Variants in DNAJB6 observed in about 807,000 individuals in gnomAD.
DNAJB6 encodes the protein dnaJ homolog subfamily B member 6.
In DNAJB6, 16 loss-of-function variants were observed where a neutral mutation model predicts 42.7. The ratio of observed to expected loss-of-function variants is 0.37; its 90% CI spans 0.25 to 0.57. DNAJB6 has a LOEUF of 0.57. Ranked by LOEUF, DNAJB6 falls within the 20% of genes least tolerant of loss-of-function variation. The pLI is 0.74. For missense variants in DNAJB6, 347 were observed against 416.8 expected, an observed-to-expected ratio of 0.83 and a Z score of 1.46; for synonymous variants, 170 against 163.5, an observed-to-expected ratio of 1.04 and a Z score of -0.30.
intron 1 of DNAJB6, among the ~76,000 whole-genome samples, chr7:157,339,279 AC>A (rs1798214871): frequency 5.4e-5 from 4 of 73,582 alleles, no homozygotes; most frequent in African/African-American, 1.4e-4. Flanking sequence ...GTCTGTTTGC[AC>A]CTTTTTTTTT....
In DNAJB6 at chr7:157,371,610, TCAAA is replaced by T. The variant is rs539884502; in HGVS notation, c.346+4128_346+4131del. Among the ~76,000 whole-genome samples the T allele has an allele frequency of 4.6e-5, 7 of 152,364 alleles. No individual in the cohort carries two copies. In the East Asian group the frequency reaches 1.3e-3, roughly 29 times the overall value. On this transcript the variant is annotated intron_variant, in intron 5 of 9. Coordinates refer to ENST00000262177, the MANE Select transcript of DNAJB6 (RefSeq NM_058246.4). ...CTGCCTCTGAATTGGAGGGGTACAA[TCAAA>T]ACTGCTGAGGCTAGGTGACTGTCGA...
chr7:157,376,935 G>T (rs536082019), intron 5 of DNAJB6, among the ~76,000 whole-genome samples: 1 of 152,180 alleles, frequency 6.6e-6, no homozygotes, highest in Non-Finnish European at 1.5e-5. Flanking sequence ...AGGCAGGACA[G>T]CTCAAAGCAG....
intron 1 of DNAJB6, among the ~76,000 whole-genome samples, chr7:157,358,274 A>G: frequency 6.6e-6 from 1 of 152,188 alleles, no homozygotes; most frequent in South Asian, 2.1e-4. Context: ...GTCTCTGCCT[A>G]GAGTCACCTG....
At chr7:157,345,343 G>A (rs1372538882) in intron 1 of DNAJB6, among the ~76,000 whole-genome samples, 2 of 151,948 alleles carry the variant, frequency 1.3e-5, no homozygotes, top group Admixed American at 6.6e-5. Flanking sequence ...ACAGGGCCTT[G>A]CCCTGTCTCT....
intron 8 of DNAJB6, among the ~76,000 whole-genome samples, chr7:157,404,538 T>C (rs112614219): frequency 0.028 from 3,762 of 133,132 alleles, 175 homozygotes; most frequent in African/African-American, 0.095. Flanking sequence ...TGGTAAGGAG[T>C]CTCGCTCTGT....
chr7:157,386,337 CTG>C, intron 8 of DNAJB6: 1 of 983,414 alleles, frequency 1.0e-6, no homozygotes, highest in Non-Finnish European at 1.2e-6. Context: ...TTTTTTGTGT[CTG>C]TGTATGATTT....
chr7:157,339,177 C>T (rs1378699650), intron 1 of DNAJB6, among the ~76,000 whole-genome samples: 1 of 148,870 alleles, frequency 6.7e-6, no homozygotes, highest in Non-Finnish European at 1.5e-5. Flanking sequence ...TAATTCCCTT[C>T]TATTAACTCT....
intron 8 of DNAJB6, among the ~76,000 whole-genome samples, chr7:157,404,344 G>A (rs1795665438): frequency 6.6e-6 from 1 of 151,512 alleles, no homozygotes; most frequent in Non-Finnish European, 1.5e-5. Flanking sequence ...AGGCTGGAGT[G>A]CAGTGGTGCG....
intron 1 of DNAJB6, among the ~76,000 whole-genome samples, chr7:157,346,821 G>T (rs537824486): frequency 2.6e-5 from 4 of 152,320 alleles, no homozygotes; most frequent in South Asian, 2.1e-4. Flanking sequence ...TTGGAGACAC[G>T]TGGATTTCTC....
intron 3 of DNAJB6, among the ~76,000 whole-genome samples, chr7:157,364,105 T>A (rs1160820702): frequency 6.7e-6 from 1 of 149,042 alleles, no homozygotes; most frequent in East Asian, 1.9e-4. Context: ...CAAAAAAAAT[T>A]TTTTTTTTTT....
At chr7:157,342,070 T>G (rs1312939360) in intron 1 of DNAJB6, among the ~76,000 whole-genome samples, 1 of 152,208 alleles carries the variant, frequency 6.6e-6, no homozygotes, top group Non-Finnish European at 1.5e-5. Context: ...TTTTGCCATG[T>G]TGGCCAGACT....
At chr7:157,394,698 C>G (rs1801500241) in intron 8 of DNAJB6, among the ~76,000 whole-genome samples, 1 of 152,102 alleles carries the variant, frequency 6.6e-6, no homozygotes, top group Admixed American at 6.5e-5. Flanking sequence ...GGGATTTGCC[C>G]ATCATGAGTA....
At chr7:157,392,294 CTT>C (rs2117126538) in intron 8 of DNAJB6, among the ~76,000 whole-genome samples, 1 of 150,296 alleles carries the variant, frequency 6.7e-6, no homozygotes, top group African/African-American at 2.4e-5. Context: ...GACTTACTCT[CTT>C]GATTTTATAG....
At chr7:157,357,968 A>G (rs1490560844) in intron 1 of DNAJB6, among the ~76,000 whole-genome samples, 3 of 152,200 alleles carry the variant, frequency 2.0e-5, no homozygotes, top group Non-Finnish European at 4.4e-5. Context: ...ACCAGAGGGT[A>G]AAGTTAACGC....
chr7:157,377,666 TAGGG>T (rs1800540729), intron 5 of DNAJB6, among the ~76,000 whole-genome samples: 1 of 152,208 alleles, frequency 6.6e-6, no homozygotes, highest in Admixed American at 6.5e-5. Context: ...CCATCCACAT[TAGGG>T]AGGCAAGCTG....
chr7:157,409,812 G>C lies in DNAJB6; in HGVS notation c.709G>C (p.Ala237Pro), dbSNP rs753856844. Residue 237 changes from alanine (A) to proline (P), a missense_variant, in exon 9 of 10, where the codon GCC (alanine) becomes CCC (proline). Physicochemically the swap from Ala to Pro is conservative, Grantham distance 27 (BLOSUM62 -1). Coordinates refer to ENST00000262177, the MANE Select transcript of DNAJB6 (RefSeq NM_058246.4). The stretch of plus-strand genomic sequence containing the variant: ...GCCTGCAGGTGTGGCCGACGACGAT[G>C]CCCTCGCTGAGGAGCGCATGCGGAG... ...LTINGVADDD[A>P]LAEERMRRGQ... The C allele has an allele frequency of 5.9e-6, 9 of 1,529,662 alleles. No individual in the cohort carries two copies. In the South Asian group the frequency reaches 9.6e-5, roughly 16 times the overall value. The allele number at this position is 1,529,662 out of a possible 1,614,324, so 94.8% of individuals were successfully genotyped here.
intron 1 of DNAJB6, among the ~76,000 whole-genome samples, chr7:157,351,069 G>T (rs1446555610): frequency 3.9e-5 from 6 of 151,942 alleles, no homozygotes; most frequent in African/African-American, 1.5e-4. Context: ...TGAGTAGCTG[G>T]GATTACAGGA....
intron 1 of DNAJB6, among the ~76,000 whole-genome samples, chr7:157,339,601 T>TGTGTGTGTGTGTG (rs1798241718): frequency 8.2e-6 from 1 of 122,326 alleles, no homozygotes; most frequent in African/African-American, 3.1e-5. Flanking sequence ...GCCCGGCCTT[T>TGTGTGTGTGTGTG]TGTGTGTGTG....
intron 5 of DNAJB6, among the ~76,000 whole-genome samples, chr7:157,376,737 C>T (rs1443359528): frequency 6.6e-6 from 1 of 151,940 alleles, no homozygotes; most frequent in Non-Finnish European, 1.5e-5. Flanking sequence ...AAAAATTAGC[C>T]AGGCGGGGTG....
Sources: allele counts gnomAD v4.1 joint callset (sites outside exome capture counted in the v4.1 genomes callset), GRCh38; gene constraint gnomAD v4.1.1; transcripts MANE v1.5; gene names NCBI Gene and HGNC (gene_info 2026-07-23, HGNC 2026-07-21).